The following PTPRN2 variants were observed in gnomAD, a reference collection of about 807,000 sequenced individuals.
PTPRN2 encodes protein tyrosine phosphatase receptor type N2.
A neutral mutation model predicts 118.8 loss-of-function variants in PTPRN2; 74 were observed. The observed-to-expected ratio is 0.62, with a 90% CI of 0.52 to 0.76. PTPRN2 has a LOEUF of 0.76. Among genes scored for constraint, PTPRN2 ranks in the 30% least tolerant of loss-of-function variants. The probability of loss-of-function intolerance (pLI) is 0.00; values close to 1 mark genes in which losing one functional copy is unlikely to be tolerated. For synonymous variants in PTPRN2, 641 were observed against 608.0 expected, an observed-to-expected ratio of 1.05 and a Z score of -0.80; for missense variants, 1,481 against 1,394.4, an observed-to-expected ratio of 1.06 and a Z score of -0.99.
At chr7:158,400,497 G>A (rs943665441) in intron 2 of PTPRN2, among the ~76,000 whole-genome samples, 36 of 152,178 alleles carry the variant, frequency 2.4e-4, no homozygotes, top group Non-Finnish European at 5.9e-5. Flanking sequence ...GGTGGCTCAA[G>A]CCCATTTCTC....
rs1482325089 is a variant in PTPRN2 at position 157,874,623 on chromosome 7, C to T, written c.1788+24050G>A. On this transcript the variant is annotated intron_variant, in intron 12 of 22. Transcript: ENST00000389418. The surrounding 1 kb of genome is among the most constrained non-coding windows in gnomAD (Gnocchi z 5.8). ...ACAGCTCCCGGGGTCCGGGGAGAAG[C>T]GGAGGGGGGCAGAGAAGGCCGTGCC... Among the ~76,000 whole-genome samples, 4 of 152,196 alleles carry T rather than the reference C, an allele frequency of 2.6e-5. No homozygotes were observed. Among genetic ancestry groups the T allele is most frequent in the Non-Finnish European group, 2.9e-5 (2 of 68,032 alleles).
intron 11 of PTPRN2, among the ~76,000 whole-genome samples, chr7:158,006,861 T>G (rs1254017976): frequency 6.6e-6 from 1 of 152,178 alleles, no homozygotes; most frequent in African/African-American, 2.4e-5. Context: ...AGCTCCATCA[T>G]GCGGTCATGA....
At chr7:157,825,286 G>T (rs6945706) in intron 12 of PTPRN2, among the ~76,000 whole-genome samples, 22,211 of 151,930 alleles carry the variant, frequency 0.15, 3,160 homozygotes, top group African/African-American at 0.36. Flanking sequence ...AATGAGACCT[G>T]GATGGTGGGA....
chr7:158,064,744 G>A lies in PTPRN2; in HGVS notation c.1723+16554C>T, dbSNP rs1158424129. On this transcript the variant is annotated intron_variant, in intron 11 of 22. Coordinates refer to ENST00000389418, the MANE Select transcript of PTPRN2 (RefSeq NM_002847.5). ...GGACATTTTCTACTTGCAGGGGAGG[G>A]AAGAGAAAGGGTCACCCTCCCCGCA... Among the ~76,000 whole-genome samples, 4 of 152,104 alleles carry A rather than the reference G, an allele frequency of 2.6e-5. No homozygotes were observed. In the East Asian group the frequency reaches 7.7e-4, roughly 29 times the overall value.
At chr7:158,336,912 G>A (rs1211288876) in intron 2 of PTPRN2, among the ~76,000 whole-genome samples, 3 of 102,866 alleles carry the variant, frequency 2.9e-5, no homozygotes, top group Middle Eastern at 5.1e-3. Flanking sequence ...CATAAGATCC[G>A]ACGCCCGCAG....
chr7:158,311,201 C>A (rs922307355), intron 3 of PTPRN2, among the ~76,000 whole-genome samples: 1 of 152,208 alleles, frequency 6.6e-6, no homozygotes, highest in Non-Finnish European at 1.5e-5. Context: ...CCAGCCAGGA[C>A]CCGTGCGGCC....
intron 2 of PTPRN2, among the ~76,000 whole-genome samples, chr7:158,434,404 C>A (rs1191857371): frequency 2.0e-5 from 3 of 152,126 alleles, no homozygotes; most frequent in Non-Finnish European, 4.4e-5. Context: ...GATAGACCAA[C>A]CCTTATATTT....
chr7:158,348,673 T>C (rs1469745244), intron 2 of PTPRN2, among the ~76,000 whole-genome samples: 3 of 152,172 alleles, frequency 2.0e-5, no homozygotes, highest in Non-Finnish European at 2.9e-5. Flanking sequence ...GGTATGGTGA[T>C]GGCCACAGGC....
At chr7:157,720,117 G>A (rs560221589) in intron 12 of PTPRN2, among the ~76,000 whole-genome samples, 9 of 152,248 alleles carry the variant, frequency 5.9e-5, no homozygotes, top group South Asian at 4.2e-4. Context: ...TCAGATATTC[G>A]CTTATAGGAG....
At chr7:157,717,750 G>A (rs539687296) in intron 12 of PTPRN2, among the ~76,000 whole-genome samples, 152 of 152,360 alleles carry the variant, frequency 1.0e-3, no homozygotes, top group Admixed American at 1.9e-3. Flanking sequence ...GGCACATCCC[G>A]ACCTGCGGGC....
chr7:157,582,837 G>A (rs1373712817), intron 17 of PTPRN2, among the ~76,000 whole-genome samples: 4 of 151,298 alleles, frequency 2.6e-5, no homozygotes, highest in Non-Finnish European at 5.9e-5. Flanking sequence ...CCGTGTCATT[G>A]CACTCCAGCC....
Position 157,818,506 on chromosome 7 carries a change from G to A in PTPRN2, c.1788+80167C>T, listed in dbSNP as rs535007110. ...CGATGAGGAAGACAGGAAACGGGGA[G>A]GGACGTCTCAAGAGAGGGCGTGGCC... On this transcript the variant is annotated intron_variant, in intron 12 of 22. Coordinates refer to ENST00000389418, the MANE Select transcript of PTPRN2 (RefSeq NM_002847.5). Among the ~76,000 whole-genome samples, 16 of 152,214 alleles carry A rather than the reference G, an allele frequency of 1.1e-4. No homozygotes were observed. The South Asian group carries it at 3.3e-3, about 32-fold the overall frequency.
intron 12 of PTPRN2, among the ~76,000 whole-genome samples, chr7:157,847,834 C>T (rs1337499121): frequency 2.0e-5 from 3 of 149,896 alleles, no homozygotes; most frequent in African/African-American, 7.5e-5. Context: ...TCTCTCACTC[C>T]ATCATGTGTG....
chr7:158,368,479 A>T (rs2151310536), intron 2 of PTPRN2, among the ~76,000 whole-genome samples: 1 of 152,370 alleles, frequency 6.6e-6, no homozygotes, highest in South Asian at 2.1e-4. Flanking sequence ...GGGTTTCCAT[A>T]CATGATGGAA....
intron 11 of PTPRN2, among the ~76,000 whole-genome samples, chr7:157,956,403 C>T (rs111656191): frequency 0.014 from 2,075 of 152,270 alleles, 36 homozygotes; most frequent in African/African-American, 0.047. Flanking sequence ...AACAAGGCTG[C>T]GAGCCAGTCC....
rs531036051 is a variant in PTPRN2, at chr7:157,718,272, A to C, written c.1789-35335T>G. On this transcript the variant is annotated intron_variant, in intron 12 of 22. Transcript: ENST00000389418. ...ATTTCTGCAAATAATGACTTGTAGA[A>C]GGAGAGGCTATTTTTAAAACAATTC... Among the ~76,000 whole-genome samples, 8 of 152,374 alleles carry C rather than the reference A, an allele frequency of 5.3e-5. No homozygotes were observed. In the South Asian group the frequency reaches 1.2e-3, roughly 24 times the overall value.
rs1312582516 is a variant in PTPRN2 at position 158,391,617 on chromosome 7, G to C, written c.164-74685C>G. The stretch of plus-strand genomic sequence containing the variant: ...CCCACATTTTCCCACCAGCACCCAT[G>C]CTGCACATGCCCCTTGAGATGCAGG... On this transcript the variant is annotated intron_variant, in intron 2 of 22. Coordinates refer to ENST00000389418, the MANE Select transcript of PTPRN2 (RefSeq NM_002847.5). 3.3e-5 allele frequency among the ~76,000 whole-genome samples: 5 copies of C among 152,162 alleles called. No individual in the cohort carries two copies. The East Asian group carries it at 9.6e-4, about 29-fold the overall frequency.
intron 12 of PTPRN2, among the ~76,000 whole-genome samples, chr7:157,879,392 C>T (rs892501082): frequency 2.6e-5 from 4 of 152,152 alleles, no homozygotes; most frequent in Non-Finnish European, 2.9e-5. Context: ...CACACACACA[C>T]ACTCGTGCAC....
At chr7:157,891,405 C>T (rs1320404902) in intron 12 of PTPRN2, among the ~76,000 whole-genome samples, 2 of 146,868 alleles carry the variant, frequency 1.4e-5, no homozygotes, top group African/African-American at 5.1e-5. Context: ...CTGAGCATCC[C>T]CACACCCCCC....
Sources: gnomAD v4.1 joint callset for allele counts (sites outside exome capture counted in the v4.1 genomes callset) on GRCh38, gnomAD v4.1.1 for gene constraint, Gnocchi (gnomAD v3.1) non-coding constraint, MANE v1.5 for transcripts, NCBI Gene and HGNC (gene_info 2026-07-23, HGNC 2026-07-21) for gene names.